ASAP1: variants seen among roughly 807,000 people sequenced by gnomAD.
ASAP1 encodes ArfGAP with SH3 domain, ankyrin repeat and PH domain 1, also known as arf-GAP with SH3 domain, ANK repeat and PH domain-containing protein 1.
In ASAP1, 43 loss-of-function variants were observed where a neutral mutation model predicts 145.2. The ratio of observed to expected loss-of-function variants is 0.30; its 90% CI spans 0.23 to 0.38. The LOEUF (loss-of-function observed/expected upper bound fraction) is 0.38, where lower values mean the gene tolerates loss of function less well. ASAP1 is among the 10% of genes least tolerant of loss of function. The probability of loss-of-function intolerance (pLI) is 1.00; values close to 1 mark genes in which losing one functional copy is unlikely to be tolerated. For missense variants in ASAP1, 1,018 were observed against 1,355.3 expected (o/e 0.75, Z 3.91); for synonymous variants, 546 against 515.5 (o/e 1.06, Z -0.80).
intron 11 of ASAP1, 37 bp from the exon 12 acceptor site, chr8:130,160,001 A>G (rs765283545): frequency 2.6e-6 from 4 of 1,540,874 alleles, no homozygotes; most frequent in Middle Eastern, 1.7e-4. Flanking sequence ...CAAAAACTAG[A>G]GACAATTCTC....
chr8:130,207,684 G>T (rs991582571), intron 5 of ASAP1, among the ~76,000 whole-genome samples: 2 of 152,154 alleles, frequency 1.3e-5, no homozygotes, highest in Non-Finnish European at 2.9e-5. Flanking sequence ...CCATGCACTT[G>T]TAAGTATGCC....
chr8:130,184,859 A>G (rs1287576904), intron 7 of ASAP1, among the ~76,000 whole-genome samples: 2 of 152,220 alleles, frequency 1.3e-5, no homozygotes, highest in African/African-American at 4.8e-5. Flanking sequence ...TCGTCCTCAC[A>G]AAAACCCTGA....
Position 130,420,506 on chromosome 8 carries a change from G to A in ASAP1, c.-27-18536C>T, listed in dbSNP as rs1283549436. ...CAGCACTATTCACGATGGCCAGGAG[G>A]TGGAAACAACCCAAAACCTATCAGC... On this transcript the variant is annotated intron_variant, in intron 1 of 29. Transcript: ENST00000518721. 2.0e-5 allele frequency among the ~76,000 whole-genome samples: 3 copies of A among 152,138 alleles called. No individual in the cohort carries two copies. The East Asian group carries it at 5.8e-4, about 29-fold the overall frequency.
chr8:130,218,826 G>A (rs1817096665), intron 4 of ASAP1, among the ~76,000 whole-genome samples: 1 of 150,832 alleles, frequency 6.6e-6, no homozygotes, highest in Admixed American at 6.7e-5. Context: ...TTCCACAGCT[G>A]AATAACCATG....
chr8:130,400,272 T>C (rs999550198), intron 2 of ASAP1, among the ~76,000 whole-genome samples: 48 of 152,178 alleles, frequency 3.2e-4, no homozygotes, highest in African/African-American at 1.2e-3. Context: ...GTCTGCCAGC[T>C]TTTTAAGATT....
chr8:130,149,707 T>C (rs1052404742), intron 13 of ASAP1, among the ~76,000 whole-genome samples: 7 of 152,352 alleles, frequency 4.6e-5, no homozygotes, highest in South Asian at 4.1e-4. Flanking sequence ...AGAAGCCCTT[T>C]ATGTTTTTCT....
At chr8:130,351,723 C>T (rs1396362455) in intron 3 of ASAP1, among the ~76,000 whole-genome samples, 1 of 152,098 alleles carries the variant, frequency 6.6e-6, no homozygotes, top group Non-Finnish European at 1.5e-5. Context: ...CACTTATCAC[C>T]AAGGGGATGA....
intron 26 of ASAP1, among the ~76,000 whole-genome samples, chr8:130,077,124 C>A (rs529853675): frequency 1.3e-5 from 2 of 152,318 alleles, no homozygotes; most frequent in South Asian, 2.1e-4. Flanking sequence ...AGTGGAAATT[C>A]GGCCCTAGCT....
chr8:130,276,515 C>T (rs1366570442), intron 3 of ASAP1, among the ~76,000 whole-genome samples: 1 of 152,108 alleles, frequency 6.6e-6, no homozygotes, highest in Non-Finnish European at 1.5e-5. Context: ...GACAGGTATC[C>T]TCAGACAAAA....
chr8:130,097,158 A>AAAAAAAAAAC (rs2097519965), intron 24 of ASAP1, among the ~76,000 whole-genome samples: 1 of 132,246 alleles, frequency 7.6e-6, no homozygotes, highest in African/African-American at 2.8e-5. Flanking sequence ...AAAAAAAAAA[A>AAAAAAAAAAC]AAAGTCCTTG....
At chr8:130,276,993 TGCAG>T (rs1232317304) in intron 3 of ASAP1, among the ~76,000 whole-genome samples, 1 of 152,154 alleles carries the variant, frequency 6.6e-6, no homozygotes, top group Non-Finnish European at 1.5e-5. Context: ...CTTGTCCATG[TGCAG>T]CCTAGCTGAC....
At chr8:130,223,923 T>C (rs1485069638) in intron 4 of ASAP1, among the ~76,000 whole-genome samples, 1 of 152,152 alleles carries the variant, frequency 6.6e-6, no homozygotes, top group Non-Finnish European at 1.5e-5. Context: ...ACACGCATTA[T>C]TACACTCCAG....
intron 4 of ASAP1, among the ~76,000 whole-genome samples, chr8:130,215,601 AG>A (rs932076563): frequency 6.6e-6 from 1 of 152,068 alleles, no homozygotes; most frequent in African/African-American, 2.4e-5. Context: ...AAAGTTAGCC[AG>A]GTGTAGTAGC....
At chr8:130,262,416 A>AAAGAGAG (rs1819974520) in intron 3 of ASAP1, among the ~76,000 whole-genome samples, 1 of 57,850 alleles carries the variant, frequency 1.7e-5, no homozygotes, top group Non-Finnish European at 3.0e-5. Flanking sequence ...AAAAAAAAAA[A>AAAGAGAG]AGAGAGAGAG....
At chr8:130,333,802 G>C (rs1824853994) in intron 3 of ASAP1, among the ~76,000 whole-genome samples, 1 of 152,150 alleles carries the variant, frequency 6.6e-6, no homozygotes, top group South Asian at 2.1e-4. Flanking sequence ...AGTATTTCTG[G>C]AGGGCCTATT....
At chr8:130,061,186 T>G in intron 27 of ASAP1, 117 bp from the exon 28 acceptor site, 5 of 1,290,732 alleles carry the variant, frequency 3.9e-6, no homozygotes, top group Non-Finnish European at 5.1e-6. Flanking sequence ...GCACTTGAAA[T>G]GGATGAACTC....
At chr8:130,117,058 G>C in intron 20 of ASAP1, 63 bp from the exon 21 acceptor site, 1 of 1,183,184 alleles carries the variant, frequency 8.5e-7, no homozygotes, top group Non-Finnish European at 1.2e-6. Flanking sequence ...CTATAGATTA[G>C]CCACTTATTT....
At chr8:130,258,315 C>G (rs1819691294) in intron 3 of ASAP1, among the ~76,000 whole-genome samples, 1 of 152,162 alleles carries the variant, frequency 6.6e-6, no homozygotes, top group Non-Finnish European at 1.5e-5. Flanking sequence ...AAGGACAGTC[C>G]CTGTTTACAC....
intron 2 of ASAP1, among the ~76,000 whole-genome samples, chr8:130,398,209 T>TCAC (rs1208172335): frequency 6.6e-6 from 1 of 152,194 alleles, no homozygotes; most frequent in Non-Finnish European, 1.5e-5. Context: ...TAATGAAACA[T>TCAC]CACCCAGATC....
Sources: gnomAD v4.1 joint callset for allele counts (sites outside exome capture counted in the v4.1 genomes callset) on GRCh38, gnomAD v4.1.1 for gene constraint, MANE v1.5 for transcripts, NCBI Gene and HGNC (gene_info 2026-07-23, HGNC 2026-07-21) for gene names.